Variants in MYO16 observed in about 807,000 individuals in gnomAD.
MYO16 encodes the protein unconventional myosin-XVI.
A neutral mutation model predicts 205.3 loss-of-function variants in MYO16; 94 were observed. That is an observed-to-expected ratio of 0.46 (90% CI 0.39 to 0.54). The LOEUF is 0.54. Among genes scored for constraint, MYO16 ranks in the 20% least tolerant of loss-of-function variants. The pLI, the probability that MYO16 is intolerant of heterozygous loss-of-function variation, is 0.00. For synonymous variants in MYO16, 988 were observed against 954.0 expected (o/e 1.04, Z -0.66); for missense variants, 2,315 against 2,387.5 (o/e 0.97, Z 0.63).
At chr13:108,997,560 C>T (rs947544800) in intron 21 of MYO16, among the ~76,000 whole-genome samples, 11 of 151,988 alleles carry the variant, frequency 7.2e-5, no homozygotes, top group South Asian at 6.2e-4. Flanking sequence ...ATACATAGGC[C>T]GGGCCCAGTG....
At chr13:109,170,792 T>C (rs1036883634) in intron 33 of MYO16, among the ~76,000 whole-genome samples, 2 of 152,130 alleles carry the variant, frequency 1.3e-5, no homozygotes, top group African/African-American at 4.8e-5. Context: ...ATGAAATTAA[T>C]AATATAAATT....
intron 11 of MYO16, among the ~76,000 whole-genome samples, chr13:108,862,776 AGATT>A (rs574705393): frequency 8.8e-4 from 134 of 152,350 alleles, no homozygotes; most frequent in African/African-American, 3.1e-3. Flanking sequence ...TTGAATATAT[AGATT>A]AAGTGGAAAT....
In MYO16 at chr13:109,125,233, T is replaced by C; in HGVS notation, c.3657T>C (p.Asp1219=). Residue 1219 remains aspartate, a synonymous_variant, in exon 30 of 35, where the codon GAT becomes GAC. Transcript: ENST00000457511. This position sits in a 1 kb window ranked among gnomAD's most constrained non-coding sequence, Gnocchi z 4.0. ...AGGACATGGGGCTGAAAACCTACGA[T>C]GCCCTGGTCATTCAGAATGCTTCAG... ...NTEDMGLKTY[D]ALVIQNASDI... is the part of the protein sequence containing the mutation. 1 of 1,614,138 alleles carries C rather than the reference T, an allele frequency of 6.2e-7. No homozygotes were observed. Among genetic ancestry groups the C allele is most frequent in the South Asian group, 1.1e-5 (1 of 91,076 alleles).
intron 7 of MYO16, among the ~76,000 whole-genome samples, chr13:108,809,835 C>T (rs549797618): frequency 6.6e-6 from 1 of 152,300 alleles, no homozygotes; most frequent in South Asian, 2.1e-4. Flanking sequence ...GGTACCAGCC[C>T]CACCACTCAC....
Position 109,162,237 on chromosome 13 carries a change from G to A in MYO16, c.5165-2664G>A, listed in dbSNP as rs1263400260. Among the ~76,000 whole-genome samples the A allele has an allele frequency of 6.6e-6, 1 of 152,218 alleles. No individual in the cohort carries two copies. The highest frequency in any genetic ancestry group is 1.5e-5 in the Non-Finnish European group (1 of 68,040). On this transcript the variant is annotated intron_variant, in intron 32 of 34. Coordinates refer to ENST00000457511, the MANE Select transcript of MYO16 (RefSeq NM_001198950.3). This position sits in a 1 kb window ranked among gnomAD's most constrained non-coding sequence, Gnocchi z 4.6. ...GATGAGATAGAAATCAGTTGTGAGG[G>A]AGGCCAGCCTGAAGTACTCAGACTG...
At chr13:108,780,583 C>A (rs548242429) in intron 4 of MYO16, among the ~76,000 whole-genome samples, 2 of 152,180 alleles carry the variant, frequency 1.3e-5, no homozygotes, top group African/African-American at 2.4e-5. Context: ...ACTATATAAA[C>A]CCTTGAAAAG....
intron 21 of MYO16, among the ~76,000 whole-genome samples, chr13:109,007,387 CAAA>C (rs1027201910): frequency 1.6e-5 from 2 of 122,212 alleles, no homozygotes; most frequent in Non-Finnish European, 3.4e-5. Context: ...GACTCCGTCT[CAAA>C]AAAAAAGAAA....
intron 2 of MYO16, among the ~76,000 whole-genome samples, chr13:108,667,711 A>G (rs1328157287): frequency 1.3e-5 from 2 of 152,212 alleles, no homozygotes; most frequent in South Asian, 2.1e-4. Context: ...AGCAGATCTT[A>G]AAATTTAAGC....
At chr13:108,918,406 CT>C in intron 16 of MYO16, among the ~76,000 whole-genome samples, 1 of 152,222 alleles carries the variant, frequency 6.6e-6, no homozygotes, top group Non-Finnish European at 1.5e-5. Context: ...GTAATTAATT[CT>C]CACTTAATTC....
chr13:109,076,747 A>G (rs965549946), intron 27 of MYO16, among the ~76,000 whole-genome samples: 1 of 152,166 alleles, frequency 6.6e-6, no homozygotes, highest in Non-Finnish European at 1.5e-5. Flanking sequence ...AGCCTGCAGC[A>G]TGACGCCAGA....
At chr13:109,090,539 C>G (rs1351320635) in intron 27 of MYO16, among the ~76,000 whole-genome samples, 1 of 152,058 alleles carries the variant, frequency 6.6e-6, no homozygotes, top group African/African-American at 2.4e-5. Context: ...GGGCAGAATG[C>G]AAGAAGGGGT....
intron 23 of MYO16, among the ~76,000 whole-genome samples, chr13:109,040,385 CAGAGAGAGAGAGAGAG>C (rs146955371): frequency 1.8e-5 from 2 of 113,216 alleles, no homozygotes; most frequent in Admixed American, 2.1e-4. Flanking sequence ...CACACACACA[CAGAGAGAGAGAGAGAG>C]AGAGAGAGAG....
intron 1 of MYO16, among the ~76,000 whole-genome samples, chr13:108,662,653 A>C (rs1376664067): frequency 6.6e-6 from 1 of 152,124 alleles, no homozygotes; most frequent in Non-Finnish European, 1.5e-5. Context: ...GTCTGTTCCC[A>C]GGTGGAGGGC....
chr13:108,954,555 A>G (rs1334181957), intron 16 of MYO16, among the ~76,000 whole-genome samples: 2 of 152,112 alleles, frequency 1.3e-5, no homozygotes, highest in African/African-American at 4.8e-5. Context: ...AGCCTGGGCA[A>G]CATGGCAAGA....
At chr13:108,745,995 G>C (rs1885048926) in intron 4 of MYO16, among the ~76,000 whole-genome samples, 1 of 151,798 alleles carries the variant, frequency 6.6e-6, no homozygotes, top group Admixed American at 6.6e-5. Context: ...AGACCATCCT[G>C]GCTAACACAG....
intron 11 of MYO16, among the ~76,000 whole-genome samples, 156 bp from the exon 12 acceptor site, chr13:108,866,020 TA>T (rs1223835067): frequency 1.6e-4 from 25 of 152,100 alleles, no homozygotes; most frequent in Non-Finnish European, 8.8e-5. Context: ...TTCCAAACTT[TA>T]AAAAAATTGC....
chr13:109,126,497 T>C (rs1340535515), intron 30 of MYO16, among the ~76,000 whole-genome samples: 1 of 152,216 alleles, frequency 6.6e-6, no homozygotes, highest in African/African-American at 2.4e-5. Context: ...AGAAGTTTTT[T>C]TAAGCAAGAT....
chr13:108,754,809 T>A (rs1566588486), intron 4 of MYO16, among the ~76,000 whole-genome samples: 1 of 152,136 alleles, frequency 6.6e-6, no homozygotes, highest in African/African-American at 2.4e-5. Flanking sequence ...ATCCCTTTCC[T>A]CAAGAAGCAT....
intron 34 of MYO16, among the ~76,000 whole-genome samples, chr13:109,192,994 A>C (rs906522871): frequency 2.0e-5 from 3 of 152,202 alleles, no homozygotes; most frequent in Non-Finnish European, 4.4e-5. Flanking sequence ...AGCCAAAATC[A>C]TGCCTCTTCA....
Sources: gnomAD v4.1 joint callset for allele counts (sites outside exome capture counted in the v4.1 genomes callset) on GRCh38, gnomAD v4.1.1 for gene constraint, Gnocchi (gnomAD v3.1) non-coding constraint, MANE v1.5 for transcripts, NCBI Gene and HGNC (gene_info 2026-07-23, HGNC 2026-07-21) for gene names.